The following ANO6 variants were observed in gnomAD, a reference collection of about 807,000 sequenced individuals.
The protein encoded by ANO6 is anoctamin 6, also known as anoctamin-6.
Under a neutral mutation model 117.5 loss-of-function variants are expected in ANO6, and 106 were observed. That is an observed-to-expected ratio of 0.90 (90% CI 0.77 to 1.06). The LOEUF is 1.06. Among genes scored for constraint, ANO6 ranks in the 50% least tolerant of loss-of-function variants. The probability of loss-of-function intolerance (pLI) is 0.00; values close to 1 mark genes in which losing one functional copy is unlikely to be tolerated. For missense variants in ANO6, 955 were observed against 1,121.1 expected, an observed-to-expected ratio of 0.85 and a Z score of 2.12; for synonymous variants, 367 against 385.1, an observed-to-expected ratio of 0.95 and a Z score of 0.55.
intron 9 of ANO6, among the ~76,000 whole-genome samples, chr12:45,377,216 T>G (rs531700663): frequency 2.0e-4 from 31 of 152,146 alleles, no homozygotes; most frequent in African/African-American, 7.0e-4. Context: ...AAAGTAGATA[T>G]AATATGCTTG....
chr12:45,367,572 T>G, intron 8 of ANO6, 116 bp from the exon 9 acceptor site: 1 of 763,584 alleles, frequency 1.3e-6, no homozygotes, highest in Non-Finnish European at 2.1e-6. Context: ...AGAAGTTCAC[T>G]TCTGTTTCTA....
chr12:45,290,967 A>C (rs1939073449), intron 1 of ANO6, among the ~76,000 whole-genome samples: 1 of 152,228 alleles, frequency 6.6e-6, no homozygotes, highest in Non-Finnish European at 1.5e-5. Context: ...TAGAATCAAG[A>C]GTCCAGAAAT....
At chr12:45,270,474 C>T in intron 1 of ANO6, 1 of 1,510,888 alleles carries the variant, frequency 6.6e-7, no homozygotes, top group Non-Finnish European at 8.9e-7. Flanking sequence ...GATGTTCCTG[C>T]CTCCAGGAGG....
chr12:45,435,629 TAAG>T (rs1346331944), downstream of ANO6, among the ~76,000 whole-genome samples: 2 of 152,174 alleles, frequency 1.3e-5, no homozygotes, highest in East Asian at 3.9e-4. Context: ...CTAAGTATCT[TAAG>T]AATATAGTTG....
At chr12:45,424,588 C>T (rs143156867) in intron 19 of ANO6, among the ~76,000 whole-genome samples, 10 of 152,062 alleles carry the variant, frequency 6.6e-5, no homozygotes, top group East Asian at 1.9e-4. Context: ...CTGCCCTCCT[C>T]GGCCTCCCAA....
intron 18 of ANO6, among the ~76,000 whole-genome samples, 200 bp downstream of exon 18, chr12:45,421,473 T>G (rs1322043875): frequency 6.6e-6 from 1 of 152,116 alleles, no homozygotes; most frequent in African/African-American, 2.4e-5. Flanking sequence ...ACTCAGAAAA[T>G]GTATATATAT....
chr12:45,409,418 C>A lies in ANO6; in HGVS notation c.1942C>A (p.Arg648=). Residue 648 remains arginine (R), a synonymous_variant, in exon 16 of 20, where the codon CGA becomes AGA. Transcript: ENST00000320560. ...TTCTGGATCAGAAAAGATAACCCCACGATGGGAACAGGACTACCATCTGCA... is the reference window on the plus strand; with the variant it reads ...TTCTGGATCAGAAAAGATAACCCCAAGATGGGAACAGGACTACCATCTGCA... ...RVSGSEKITP[R]WEQDYHLQPM... The A allele has an allele frequency of 6.2e-7, 1 of 1,613,980 alleles. No homozygotes were observed. Among genetic ancestry groups the A allele is most frequent in the Non-Finnish European group, 8.5e-7 (1 of 1,179,904 alleles).
intron 1 of ANO6, among the ~76,000 whole-genome samples, chr12:45,259,355 T>G (rs1040807335): frequency 3.3e-5 from 5 of 152,230 alleles, no homozygotes; most frequent in Non-Finnish European, 7.3e-5. Flanking sequence ...TTTGAAAATT[T>G]TTCAGGGGAG....
intron 9 of ANO6, among the ~76,000 whole-genome samples, chr12:45,377,625 A>T (rs74080853): frequency 0.01 from 1,549 of 152,336 alleles, 30 homozygotes; most frequent in African/African-American, 0.036. Flanking sequence ...CCCTCTGACC[A>T]GGGTGGGATG....
intron 1 of ANO6, among the ~76,000 whole-genome samples, chr12:45,285,538 C>T (rs1414695702): frequency 2.6e-5 from 4 of 151,942 alleles, no homozygotes; most frequent in East Asian, 1.9e-4. Context: ...GTCAGGAGAT[C>T]ACCAACATGG....
chr12:45,343,801 G>A (rs1439585418), intron 3 of ANO6, among the ~76,000 whole-genome samples: 1 of 152,120 alleles, frequency 6.6e-6, no homozygotes, highest in East Asian at 1.9e-4. Context: ...CAGCACCGCT[G>A]GCACCACTGA....
intron 1 of ANO6, among the ~76,000 whole-genome samples, chr12:45,267,645 G>A (rs1938261834): frequency 6.6e-6 from 1 of 152,074 alleles, no homozygotes. Context: ...ATAAAAATTA[G>A]CCAGGCATGG....
chr12:45,377,087 A>G (rs907817409), intron 9 of ANO6, among the ~76,000 whole-genome samples: 2 of 152,042 alleles, frequency 1.3e-5, no homozygotes, highest in Admixed American at 6.6e-5. Flanking sequence ...AAAATCACCT[A>G]AAGCAGACTT....
chr12:45,344,736 AAG>A (rs1941080180), intron 3 of ANO6, among the ~76,000 whole-genome samples: 1 of 152,176 alleles, frequency 6.6e-6, no homozygotes, highest in South Asian at 2.1e-4. Context: ...CCCAATAATA[AAG>A]AGGTAATCAG....
intron 1 of ANO6, among the ~76,000 whole-genome samples, chr12:45,221,490 C>T (rs1947398089): frequency 6.6e-6 from 1 of 152,118 alleles, no homozygotes; most frequent in East Asian, 1.9e-4. Flanking sequence ...AAGGATCCTC[C>T]ATACACTTTA....
At chr12:45,292,543 G>A (rs995023087) in intron 1 of ANO6, 1 of 568,860 alleles carries the variant, frequency 1.8e-6, no homozygotes, top group Admixed American at 5.9e-5. Flanking sequence ...GAATCTGATA[G>A]GTTTGCAGTG....
rs1565753585 is a variant in ANO6 at position 45,402,020 on chromosome 12, G to A, written c.1612G>A (p.Glu538Lys). The A allele has an allele frequency of 1.9e-6, 3 of 1,610,736 alleles. No individual in the cohort carries two copies. Among genetic ancestry groups the A allele is most frequent in the Non-Finnish European group, 2.5e-6 (3 of 1,177,636 alleles). The change falls in exon 13 of 20, where the codon GAA becomes AAA. Residue 538 changes from glutamate (E) to lysine (K), a missense_variant and splice_region_variant. Glu to Lys is a moderately conservative substitution (Grantham distance 56, BLOSUM62 1). Coordinates refer to ENST00000320560, the MANE Select transcript of ANO6 (RefSeq NM_001025356.3). ...EKVAIMITNF[E>K]LPRTQTDYEN... ...AGTGGCAATTATGATTACTAACTTC[G>A]GTAAGGTCCTACTATAGCTTAGGTA...
intron 1 of ANO6, among the ~76,000 whole-genome samples, chr12:45,298,631 T>C (rs958031351): frequency 1.3e-5 from 2 of 152,234 alleles, no homozygotes; most frequent in African/African-American, 2.4e-5. Context: ...CATTTCTGTT[T>C]TTATTCACTC....
At chr12:45,218,174 T>A (rs572336652) in intron 1 of ANO6, among the ~76,000 whole-genome samples, 1 of 152,202 alleles carries the variant, frequency 6.6e-6, no homozygotes, top group Admixed American at 6.5e-5. Context: ...CTACTAATAC[T>A]AATACTTTAG....
Sources: gnomAD v4.1 joint callset for allele counts (sites outside exome capture counted in the v4.1 genomes callset) on GRCh38, gnomAD v4.1.1 for gene constraint, MANE v1.5 for transcripts, NCBI Gene and HGNC (gene_info 2026-07-23, HGNC 2026-07-21) for gene names.